SNX16: variants seen among roughly 807,000 people sequenced by gnomAD.
SNX16 encodes sorting nexin 16.
In SNX16, 35 loss-of-function variants were observed where a neutral mutation model predicts 36.7. The ratio of observed to expected loss-of-function variants is 0.95; its 90% CI spans 0.73 to 1.27. The LOEUF is 1.27. Among genes scored for constraint, SNX16 ranks in the 50% most tolerant of loss-of-function variants. SNX16 has a pLI of 0.00. For missense variants in SNX16, 367 were observed against 393.6 expected (o/e 0.93, Z 0.57); for synonymous variants, 134 against 132.0 (o/e 1.02, Z -0.10).
intron 5 of SNX16, among the ~76,000 whole-genome samples, chr8:81,812,316 A>G (rs947905006): frequency 1.3e-5 from 2 of 152,040 alleles, no homozygotes; most frequent in Admixed American, 1.3e-4. Flanking sequence ...TGTCAAGTCA[A>G]CAAAGCTCAA....
intron 2 of SNX16, among the ~76,000 whole-genome samples, chr8:81,837,260 A>T (rs1292560290): frequency 4.6e-5 from 7 of 152,190 alleles, no homozygotes; most frequent in Admixed American, 2.0e-4. Flanking sequence ...ATAGGTAATT[A>T]AAAAAATGTT....
intron 2 of SNX16, 43 bp downstream of exon 2, chr8:81,839,569 A>G (rs755542996): frequency 1.8e-5 from 27 of 1,527,396 alleles, no homozygotes; most frequent in African/African-American, 2.8e-5. Context: ...AGATTAGCCA[A>G]TCTTTCACTT....
intron 1 of SNX16, chr8:81,840,592 A>C (rs181834211): frequency 2.6e-5 from 4 of 152,440 alleles, no homozygotes; most frequent in Admixed American, 2.6e-4. Context: ...GTAACAATGA[A>C]CCAGATGCTT....
intron 2 of SNX16, among the ~76,000 whole-genome samples, chr8:81,832,617 A>C (rs1811319774): frequency 6.6e-6 from 1 of 151,996 alleles, no homozygotes; most frequent in African/African-American, 2.4e-5. Context: ...ACTGAATAAA[A>C]TTTACATTTT....
At chr8:81,838,717 T>C (rs948022519) in intron 2 of SNX16, among the ~76,000 whole-genome samples, 4 of 151,538 alleles carry the variant, frequency 2.6e-5, no homozygotes, top group Non-Finnish European at 4.4e-5. Context: ...AGCCTTGGAG[T>C]AGGCAAAGAT....
intron 3 of SNX16, among the ~76,000 whole-genome samples, chr8:81,826,698 T>C (rs903810210): frequency 2.0e-5 from 3 of 152,076 alleles, no homozygotes; most frequent in Non-Finnish European, 4.4e-5. Context: ...ACCCAGGAAA[T>C]AAAAATAAAA....
intron 2 of SNX16, among the ~76,000 whole-genome samples, chr8:81,830,847 A>T (rs542400532): frequency 6.6e-6 from 1 of 152,310 alleles, no homozygotes; most frequent in East Asian, 1.9e-4. Context: ...GAGGCATCAC[A>T]CTACCTGACT....
intron 2 of SNX16, among the ~76,000 whole-genome samples, chr8:81,833,022 A>C (rs968209683): frequency 6.6e-6 from 1 of 151,938 alleles, no homozygotes; most frequent in Non-Finnish European, 1.5e-5. Flanking sequence ...GTAGTGTGCA[A>C]CATATACACT....
At chr8:81,820,901 C>T (rs912083974) in intron 4 of SNX16, among the ~76,000 whole-genome samples, 1 of 151,146 alleles carries the variant, frequency 6.6e-6, no homozygotes, top group African/African-American at 2.4e-5. Context: ...ATGAATAACC[C>T]TTCCTCCTCT....
intron 2 of SNX16, among the ~76,000 whole-genome samples, chr8:81,831,231 A>G (rs1453358351): frequency 2.6e-5 from 4 of 152,350 alleles, no homozygotes; most frequent in East Asian, 3.9e-4. Context: ...TAAGTTCTCA[A>G]AAGCAACTGC....
At chr8:81,803,981 C>T (rs1047732619) in intron 5 of SNX16, among the ~76,000 whole-genome samples, 1 of 151,154 alleles carries the variant, frequency 6.6e-6, no homozygotes, top group Admixed American at 6.6e-5. Context: ...TATATAAATA[C>T]AAGATACTGA....
chr8:81,816,181 C>CT (rs777491714), intron 4 of SNX16, among the ~76,000 whole-genome samples: 1,699 of 137,732 alleles, frequency 0.012, 19 homozygotes, highest in African/African-American at 0.032. Context: ...AAAGGATTTT[C>CT]TTTTTTTTTT....
chr8:81,801,347 CT>C lies in SNX16; in HGVS notation c.*149del. The C allele has an allele frequency of 2.4e-6, 1 of 424,902 alleles. No homozygotes were observed. Among genetic ancestry groups the C allele is most frequent in the Non-Finnish European group, 4.1e-6 (1 of 241,066 alleles). 26.3% of individuals were successfully genotyped at this position (424,902 alleles called of 1,614,324 possible). ...GTGAATATATTTCCTATCTCAATAA[CT>C]TAAAAAAACTTCTTTATGTAAACTT... On this transcript the variant is annotated 3_prime_UTR_variant, in exon 8 of 8. Coordinates refer to ENST00000345957, the MANE Select transcript of SNX16 (RefSeq NM_152836.3).
At chr8:81,801,753 A>C (rs1809706630) in intron 7 of SNX16, among the ~76,000 whole-genome samples, 160 bp from the exon 8 acceptor site, 1 of 151,708 alleles carries the variant, frequency 6.6e-6, no homozygotes, top group South Asian at 2.1e-4. Context: ...TTCAATCAGA[A>C]ATTTGATATA....
rs1811658245 is a variant in SNX16, at chr8:81,839,854, C to G, written c.133G>C (p.Glu45Gln). Residue 45 changes from glutamate (E) to glutamine (Q), a missense_variant, in exon 2 of 8, where the codon GAA becomes CAA. Transcript: ENST00000345957. The part of the protein sequence containing the change: ...TSSNSSKGQL[E>Q]DSNMGNFKQT... The stretch of plus-strand genomic sequence containing the variant: ...TTAAAATTACCCATATTTGAGTCTT[C>G]TAACTGGCCCTTAGAAGAATTTGAG... 1.9e-6 allele frequency: 3 copies of G among 1,613,870 alleles called. No homozygotes were observed. Among genetic ancestry groups the G allele is most frequent in the Non-Finnish European group, 1.7e-6 (2 of 1,179,936 alleles).
At chr8:81,816,249 AT>A (rs1352062534) in intron 4 of SNX16, among the ~76,000 whole-genome samples, 1 of 147,938 alleles carries the variant, frequency 6.8e-6, no homozygotes, top group Non-Finnish European at 1.5e-5. Context: ...GAGTGCAGTG[AT>A]GTGATCTCGG....
At chr8:81,812,609 G>C (rs1810312149) in intron 5 of SNX16, among the ~76,000 whole-genome samples, 1 of 152,018 alleles carries the variant, frequency 6.6e-6, no homozygotes. Flanking sequence ...AGAATTTGTT[G>C]CTAGCAGACC....
At chr8:81,829,614 C>CA (rs1811163178) in intron 2 of SNX16, 98 bp from the exon 3 acceptor site, 1 of 422,388 alleles carries the variant, frequency 2.4e-6, no homozygotes, top group Non-Finnish European at 4.1e-6. Flanking sequence ...CTTGATAACC[C>CA]AGACTATAAC....
chr8:81,822,353 T>TA (rs1025634077), intron 4 of SNX16, among the ~76,000 whole-genome samples: 1 of 151,982 alleles, frequency 6.6e-6, no homozygotes, highest in Non-Finnish European at 1.5e-5. Context: ...TTTGGAGAAT[T>TA]AAAAGAAGAC....
Sources: gnomAD v4.1 joint callset for allele counts (sites outside exome capture counted in the v4.1 genomes callset) on GRCh38, gnomAD v4.1.1 for gene constraint, MANE v1.5 for transcripts, NCBI Gene and HGNC (gene_info 2026-07-23, HGNC 2026-07-21) for gene names.